Variants in PPP3CA observed in about 807,000 individuals in gnomAD.
The protein encoded by PPP3CA is protein phosphatase 3 catalytic subunit alpha.
In PPP3CA, 14 loss-of-function variants were observed where a neutral mutation model predicts 66.5. That is an observed-to-expected ratio of 0.21 (90% CI 0.14 to 0.33). PPP3CA has a LOEUF of 0.33. Ranked by LOEUF, PPP3CA falls within the 10% of genes least tolerant of loss-of-function variation. The probability of loss-of-function intolerance (pLI) is 1.00; values close to 1 mark genes in which losing one functional copy is unlikely to be tolerated. For synonymous variants in PPP3CA, 232 were observed against 226.2 expected, an observed-to-expected ratio of 1.03 and a Z score of -0.23; for missense variants, 317 against 639.5, an observed-to-expected ratio of 0.50 and a Z score of 5.44.
intron 11 of PPP3CA, among the ~76,000 whole-genome samples, chr4:101,034,312 C>T (rs967197803): frequency 3.3e-5 from 5 of 152,166 alleles, no homozygotes; most frequent in African/African-American, 7.2e-5. Context: ...GCTCCAATAT[C>T]GCCTTCTAAG....
chr4:101,314,871 T>C (rs947485746), intron 1 of PPP3CA, among the ~76,000 whole-genome samples: 1 of 152,202 alleles, frequency 6.6e-6, no homozygotes, highest in African/African-American at 2.4e-5. Context: ...TGCTTCTTAA[T>C]TTCTTCTTTT....
At chr4:101,260,822 T>C (rs1726988379) in intron 1 of PPP3CA, among the ~76,000 whole-genome samples, 1 of 152,162 alleles carries the variant, frequency 6.6e-6, no homozygotes, top group Non-Finnish European at 1.5e-5. Context: ...ATCTTTCTAA[T>C]TAACATTGTC....
chr4:101,123,579 C>T (rs963417454), intron 2 of PPP3CA, among the ~76,000 whole-genome samples: 2 of 152,138 alleles, frequency 1.3e-5, no homozygotes, highest in African/African-American at 2.4e-5. Flanking sequence ...GCCTATAATC[C>T]TAGCATTTTG....
chr4:101,124,162 G>C (rs1722122876), intron 2 of PPP3CA, among the ~76,000 whole-genome samples: 1 of 152,054 alleles, frequency 6.6e-6, no homozygotes. Context: ...TTGAATGCTA[G>C]GTAATGGGTA....
intron 1 of PPP3CA, among the ~76,000 whole-genome samples, chr4:101,267,610 G>T (rs1578611856): frequency 6.6e-6 from 1 of 152,128 alleles, no homozygotes; most frequent in East Asian, 1.9e-4. Context: ...CTGAGGAATG[G>T]CCTCTAAAGG....
intron 2 of PPP3CA, among the ~76,000 whole-genome samples, chr4:101,143,715 T>C (rs1381814808): frequency 3.3e-5 from 5 of 152,196 alleles, no homozygotes. Context: ...GGCTTTGTAA[T>C]CTCATCCACT....
intron 1 of PPP3CA, among the ~76,000 whole-genome samples, chr4:101,232,267 G>A (rs751523307): frequency 1.3e-5 from 2 of 151,586 alleles, no homozygotes; most frequent in East Asian, 2.0e-4. Context: ...ACCAAGCAGC[G>A]CAGGCATGCT....
chr4:101,039,012 A>ATAAC (rs1727386647), intron 11 of PPP3CA, among the ~76,000 whole-genome samples: 1 of 146,784 alleles, frequency 6.8e-6, no homozygotes, highest in African/African-American at 2.5e-5. Flanking sequence ...CAGAATAAGA[A>ATAAC]ATAAAAGCAT....
intron 1 of PPP3CA, among the ~76,000 whole-genome samples, chr4:101,207,143 A>G (rs1352609606): frequency 6.6e-6 from 1 of 152,210 alleles, no homozygotes; most frequent in Non-Finnish European, 1.5e-5. Context: ...ATGATGCAAA[A>G]TTATCCCTGT....
intron 13 of PPP3CA, among the ~76,000 whole-genome samples, chr4:101,027,376 T>C (rs1338440515): frequency 6.6e-6 from 1 of 152,134 alleles, no homozygotes; most frequent in Non-Finnish European, 1.5e-5. Flanking sequence ...TACACAGTTG[T>C]TTCAATACTC....
chr4:101,113,557 A>G (rs1721745879), intron 2 of PPP3CA, among the ~76,000 whole-genome samples: 1 of 152,086 alleles, frequency 6.6e-6, no homozygotes, highest in African/African-American at 2.4e-5. Context: ...ATAACACCAC[A>G]TGTCTTTGGG....
chr4:101,319,863 G>A (rs1324082163), intron 1 of PPP3CA, among the ~76,000 whole-genome samples: 1 of 152,082 alleles, frequency 6.6e-6, no homozygotes, highest in Non-Finnish European at 1.5e-5. Context: ...AGTACAATTG[G>A]CTTTGTGGTA....
At chr4:101,112,208 G>T (rs920974904) in intron 2 of PPP3CA, among the ~76,000 whole-genome samples, 23 of 152,040 alleles carry the variant, frequency 1.5e-4, no homozygotes, top group African/African-American at 5.3e-4. Context: ...AATGTCTCTA[G>T]ACAATGCAAA....
chr4:101,167,969 G>C (rs976637847), intron 2 of PPP3CA, among the ~76,000 whole-genome samples: 1 of 152,176 alleles, frequency 6.6e-6, no homozygotes, highest in Admixed American at 6.6e-5. Flanking sequence ...TCTCTAGTGG[G>C]AAAGGAAGCT....
At chr4:101,061,019 G>C in intron 10 of PPP3CA, 68 bp downstream of exon 10, 2 of 1,281,744 alleles carry the variant, frequency 1.6e-6, no homozygotes, top group Non-Finnish European at 2.3e-6. Flanking sequence ...TTTATTCTTA[G>C]ATTTAGCAAT....
intron 1 of PPP3CA, among the ~76,000 whole-genome samples, chr4:101,201,598 C>T (rs2850992): frequency 0.77 from 116,896 of 152,208 alleles, 45,919 homozygotes; most frequent in African/African-American, 0.94. Context: ...GCAATGTCTT[C>T]GCAAGTCCAG....
intron 10 of PPP3CA, among the ~76,000 whole-genome samples, chr4:101,045,209 G>A (rs746219898): frequency 1.3e-5 from 2 of 152,342 alleles, no homozygotes; most frequent in Non-Finnish European, 2.9e-5. Flanking sequence ...AAATATGAAT[G>A]AGGCATTGCC....
chr4:101,147,366 T>C (rs183294858), intron 2 of PPP3CA, among the ~76,000 whole-genome samples: 7 of 152,296 alleles, frequency 4.6e-5, no homozygotes, highest in African/African-American at 1.4e-4. Context: ...GAAGACTCAG[T>C]ATTTTTCAAA....
Position 101,195,974 on chromosome 4 carries a change from C to G in PPP3CA, c.201G>C (p.Glu67Asp), listed in dbSNP as rs1216354530. Residue 67 changes from glutamate to aspartate, a missense_variant, in exon 2 of 14, where the codon GAG becomes GAC. Transcript: ENST00000394854. Reference protein sequence around the residue: ...EESVALRIITEGASILRQEKN... With the variant: ...EESVALRIITDGASILRQEKN... ...TTTCCTGTCGAAGAATTGATGCACC[C>G]TCTGTTATTATTCTCAATGCAACAC... 2.5e-6 allele frequency: 4 copies of G among 1,614,020 alleles called. No homozygotes were observed. The highest frequency in any genetic ancestry group is 3.4e-6 in the Non-Finnish European group (4 of 1,179,968).
Sources: allele counts gnomAD v4.1 joint callset (sites outside exome capture counted in the v4.1 genomes callset), GRCh38; gene constraint gnomAD v4.1.1; transcripts MANE v1.5; gene names NCBI Gene and HGNC (gene_info 2026-07-23, HGNC 2026-07-21).